CCSER1: variants seen among roughly 807,000 people sequenced by gnomAD.
CCSER1 encodes serine-rich coiled-coil domain-containing protein 1.
CCSER1 carries 41 observed loss-of-function variants against 82.0 expected under a neutral mutation model. The ratio of observed to expected loss-of-function variants is 0.50; its 90% CI spans 0.39 to 0.65. The LOEUF (loss-of-function observed/expected upper bound fraction) is 0.65, where lower values mean the gene tolerates loss of function less well. Among genes scored for constraint, CCSER1 ranks in the 30% least tolerant of loss-of-function variants. The pLI is 0.00. For synonymous variants in CCSER1, 414 were observed against 383.9 expected, an observed-to-expected ratio of 1.08 and a Z score of -0.92; for missense variants, 1,119 against 1,064.2, an observed-to-expected ratio of 1.05 and a Z score of -0.72.
intron 1 of CCSER1, among the ~76,000 whole-genome samples, chr4:90,244,490 A>T (rs1183528679): frequency 6.6e-6 from 1 of 152,210 alleles, no homozygotes; most frequent in Non-Finnish European, 1.5e-5. Context: ...TGCCATAAAA[A>T]AATACCTGAG....
intron 10 of CCSER1, among the ~76,000 whole-genome samples, chr4:91,530,888 T>C (rs2110167682): frequency 6.6e-6 from 1 of 152,174 alleles, no homozygotes; most frequent in Non-Finnish European, 1.5e-5. Context: ...GGTTTCTCCA[T>C]GTTGATCAGG....
intron 8 of CCSER1, among the ~76,000 whole-genome samples, chr4:90,860,575 C>T (rs1272866501): frequency 4.0e-5 from 6 of 151,528 alleles, no homozygotes; most frequent in Non-Finnish European, 5.9e-5. Context: ...TAAACCTGTA[C>T]CTGATTTTCA....
chr4:90,962,165 C>G (rs566552239), intron 9 of CCSER1, among the ~76,000 whole-genome samples: 1 of 151,954 alleles, frequency 6.6e-6, no homozygotes, highest in Non-Finnish European at 1.5e-5. Flanking sequence ...GAATAAGACT[C>G]AGATCTTGCC....
At chr4:91,037,309 C>A (rs1262901883) in intron 9 of CCSER1, among the ~76,000 whole-genome samples, 1 of 151,752 alleles carries the variant, frequency 6.6e-6, no homozygotes, top group Non-Finnish European at 1.5e-5. Context: ...TAGAGTCAGG[C>A]TTCTGGCCCC....
At chr4:90,940,897 G>C (rs943080303) in intron 9 of CCSER1, among the ~76,000 whole-genome samples, 3 of 152,086 alleles carry the variant, frequency 2.0e-5, no homozygotes, top group African/African-American at 4.8e-5. Context: ...TCAGGGTTTT[G>C]TTTTGTTTTC....
rs1470261244 is a variant in CCSER1 at position 90,742,056 on chromosome 4, C to T, written c.2010+18065C>T. Reference sequence around the variant, plus strand: ...TCATGGCATAAGGGTGAAGGGGAAGCAAGTATGTCTTCAAATGGCAGAAGG... The same window carrying T: ...TCATGGCATAAGGGTGAAGGGGAAGTAAGTATGTCTTCAAATGGCAGAAGG... On this transcript the variant is annotated intron_variant, in intron 7 of 10. Coordinates refer to ENST00000509176, the MANE Select transcript of CCSER1 (RefSeq NM_001145065.2). 4.6e-5 allele frequency among the ~76,000 whole-genome samples: 7 copies of T among 151,802 alleles called. No individual in the cohort carries two copies. The East Asian group carries it at 1.4e-3, about 29-fold the overall frequency.
At chr4:91,091,088 A>G (rs1723900638) in intron 10 of CCSER1, among the ~76,000 whole-genome samples, 1 of 152,168 alleles carries the variant, frequency 6.6e-6, no homozygotes, top group African/African-American at 2.4e-5. Context: ...CTACAGATGT[A>G]CTTATTTTCG....
chr4:90,247,237 T>C (rs1721581439), intron 1 of CCSER1, among the ~76,000 whole-genome samples: 1 of 152,200 alleles, frequency 6.6e-6, no homozygotes, highest in South Asian at 2.1e-4. Context: ...ACTGAAACTG[T>C]GGAAAGCAAA....
At chr4:91,091,444 G>A (rs539134648) in intron 10 of CCSER1, among the ~76,000 whole-genome samples, 25 of 152,292 alleles carry the variant, frequency 1.6e-4, no homozygotes, top group East Asian at 3.9e-4. Flanking sequence ...TTGTCTTAAC[G>A]TGTTGTCCTA....
intron 10 of CCSER1, among the ~76,000 whole-genome samples, chr4:91,290,060 C>T (rs1213082788): frequency 6.6e-6 from 1 of 151,854 alleles, no homozygotes; most frequent in Non-Finnish European, 1.5e-5. Flanking sequence ...TATGAAGTGG[C>T]ATCTTTAAAG....
At chr4:90,995,746 A>G (rs1322251593) in intron 9 of CCSER1, among the ~76,000 whole-genome samples, 2 of 152,112 alleles carry the variant, frequency 1.3e-5, no homozygotes, top group African/African-American at 4.8e-5. Flanking sequence ...TTAAAGATCC[A>G]AATTAAAACT....
intron 1 of CCSER1, among the ~76,000 whole-genome samples, chr4:90,153,671 G>A (rs192354689): frequency 3.7e-4 from 56 of 152,308 alleles, no homozygotes; most frequent in Admixed American, 1.4e-3. Context: ...GTTTTTGGCT[G>A]CATAAATGTC....
At chr4:90,654,554 T>C (rs992818550) in intron 6 of CCSER1, among the ~76,000 whole-genome samples, 1 of 152,140 alleles carries the variant, frequency 6.6e-6, no homozygotes, top group Non-Finnish European at 1.5e-5. Context: ...TTCTGTTACA[T>C]AGCATTGCGA....
intron 10 of CCSER1, among the ~76,000 whole-genome samples, chr4:91,519,326 AC>A (rs1256535303): frequency 6.6e-6 from 1 of 152,104 alleles, no homozygotes; most frequent in Non-Finnish European, 1.5e-5. Context: ...ATGGCAGCCC[AC>A]CCCACCCTCT....
intron 3 of CCSER1, among the ~76,000 whole-genome samples, chr4:90,372,920 G>A: frequency 7.5e-6 from 1 of 133,950 alleles, no homozygotes. Context: ...TTAGTATGTG[G>A]AGCACACTAA....
At chr4:90,484,972 A>C (rs1397029007) in intron 5 of CCSER1, among the ~76,000 whole-genome samples, 1 of 152,154 alleles carries the variant, frequency 6.6e-6, no homozygotes, top group African/African-American at 2.4e-5. Context: ...CAGCCCCTAG[A>C]GGTGGAGGCT....
chr4:91,162,230 T>A (rs534228503), intron 10 of CCSER1, among the ~76,000 whole-genome samples: 211 of 152,318 alleles, frequency 1.4e-3, no homozygotes, highest in African/African-American at 4.9e-3. Flanking sequence ...TGATGGATTA[T>A]GTTTATTGAT....
chr4:90,336,424 G>A (rs1180467332), intron 3 of CCSER1, among the ~76,000 whole-genome samples: 1 of 152,134 alleles, frequency 6.6e-6, no homozygotes, highest in East Asian at 1.9e-4. Context: ...GGACCAATTT[G>A]AACTGACAAT....
intron 8 of CCSER1, among the ~76,000 whole-genome samples, chr4:90,850,492 G>A (rs1414666518): frequency 6.6e-6 from 1 of 152,258 alleles, no homozygotes; most frequent in African/African-American, 2.4e-5. Flanking sequence ...CCAAGGCCAT[G>A]GGAGCCCACT....
Sources: gnomAD v4.1 joint callset for allele counts (sites outside exome capture counted in the v4.1 genomes callset) on GRCh38, gnomAD v4.1.1 for gene constraint, MANE v1.5 for transcripts, NCBI Gene and HGNC (gene_info 2026-07-23, HGNC 2026-07-21) for gene names.